Variants in GRSF1 observed in about 807,000 individuals in gnomAD.
The protein encoded by GRSF1 is G-rich sequence factor 1.
In GRSF1, 50 loss-of-function variants were observed where a neutral mutation model predicts 51.1. That is an observed-to-expected ratio of 0.98 (90% confidence interval 0.78 to 1.24). The LOEUF is 1.24. Ranked by LOEUF, GRSF1 falls within the 50% of genes most tolerant of loss-of-function variation. GRSF1 has a pLI of 0.00. For synonymous variants in GRSF1, 293 were observed against 253.3 expected, an observed-to-expected ratio of 1.16 and a Z score of -1.49; for missense variants, 700 against 639.7, an observed-to-expected ratio of 1.09 and a Z score of -1.02.
intron 6 of GRSF1, among the ~76,000 whole-genome samples, chr4:70,826,878 T>C (rs1000225733): frequency 5.3e-5 from 8 of 152,042 alleles, no homozygotes; most frequent in Admixed American, 1.3e-4. Flanking sequence ...CACATATATA[T>C]AGTGACAAGA....
In GRSF1 at chr4:70,817,704, AG is replaced by A. The variant is rs1733364629; in HGVS notation, c.*3182del. The A allele has an allele frequency of 6.6e-6, 1 of 152,226 alleles. No individual in the cohort carries two copies. Among genetic ancestry groups the A allele is most frequent in the Admixed American group, 6.5e-5 (1 of 15,284 alleles). The allele number at this position is 152,226 out of a possible 1,614,324, so 9.4% of individuals were successfully genotyped here. Reference sequence around the variant, plus strand: ...AATAGTCATGTTGGAACAGTTTGGCAGTTTCTTCCAAAACTAAACATACTCT... The same window carrying A: ...AATAGTCATGTTGGAACAGTTTGGCATTTCTTCCAAAACTAAACATACTCT... On this transcript the variant is annotated 3_prime_UTR_variant, in exon 10 of 10. Coordinates refer to ENST00000254799, the MANE Select transcript of GRSF1 (RefSeq NM_002092.4).
intron 8 of GRSF1, 87 bp from the exon 9 acceptor site, chr4:70,824,455 T>A: frequency 1.4e-6 from 1 of 718,780 alleles, no homozygotes; most frequent in Non-Finnish European, 2.5e-6. Context: ...AGACAGCAAC[T>A]CAAACCCTTT....
intron 9 of GRSF1, among the ~76,000 whole-genome samples, chr4:70,821,635 G>C (rs1290966056): frequency 6.1e-5 from 9 of 147,380 alleles, no homozygotes; most frequent in Non-Finnish European, 1.2e-4. Flanking sequence ...AATAGAATAG[G>C]ATATAGTAAT....
chr4:70,817,721 AAC>A lies in GRSF1; in HGVS notation c.*3164_*3165del, dbSNP rs367789706. 3.7e-4 allele frequency: 56 copies of A among 152,230 alleles called. No individual in the cohort carries two copies. Among genetic ancestry groups the A allele is most frequent in the African/African-American group, 1.3e-3 (54 of 41,462 alleles). 9.4% of individuals were successfully genotyped at this position (152,230 alleles called of 1,614,324 possible). A position where few individuals can be genotyped will look rare whatever the true frequency, so the allele number is the denominator to read the frequency against. On this transcript the variant is annotated 3_prime_UTR_variant, in exon 10 of 10. Coordinates refer to ENST00000254799, the MANE Select transcript of GRSF1 (RefSeq NM_002092.4). The stretch of plus-strand genomic sequence containing the variant: ...AGTTTGGCAGTTTCTTCCAAAACTA[AAC>A]ATACTCTTAACTTACAATCCAGCAA...
At chr4:70,821,939 G>A (rs984359234) in intron 9 of GRSF1, among the ~76,000 whole-genome samples, 1 of 152,122 alleles carries the variant, frequency 6.6e-6, no homozygotes, top group African/African-American at 2.4e-5. Flanking sequence ...GCCTCCTGAA[G>A]TAATGGGATT....
At chr4:70,825,214 C>A in intron 8 of GRSF1, 82 bp downstream of exon 8, 1 of 1,159,060 alleles carries the variant, frequency 8.6e-7, no homozygotes, top group Non-Finnish European at 1.2e-6. Flanking sequence ...AGGAAAAATT[C>A]TACAATCCCA....
chr4:70,823,974 CTCTTTTTTTTT>C (rs1353246647), intron 9 of GRSF1, among the ~76,000 whole-genome samples: 5 of 100,932 alleles, frequency 5.0e-5, no homozygotes, highest in Non-Finnish European at 7.5e-5. Flanking sequence ...TTGTATCTCT[CTCTTTTTTTTT>C]TTTTTTTTTG....
intron 6 of GRSF1, among the ~76,000 whole-genome samples, chr4:70,827,117 G>A (rs924882216): frequency 7.6e-4 from 116 of 151,860 alleles, no homozygotes; most frequent in African/African-American, 2.7e-3. Flanking sequence ...GGGAAACCCC[G>A]TCTCTACTAA....
chr4:70,836,530 AT>A (rs1015499871), intron 1 of GRSF1, among the ~76,000 whole-genome samples: 36 of 151,912 alleles, frequency 2.4e-4, no homozygotes, highest in African/African-American at 7.5e-4. Flanking sequence ...CAGGACACAA[AT>A]TTCATTCAGG....
Position 70,833,142 on chromosome 4 carries a change from A to G in GRSF1, c.646T>C (p.Tyr216His). The change falls in exon 3 of 10, where the codon TAC becomes CAC. Residue 216 changes from tyrosine to histidine, a missense_variant. By Grantham distance (83) the Tyr-to-His change is moderately conservative. Coordinates refer to ENST00000254799, the MANE Select transcript of GRSF1 (RefSeq NM_002092.4). Reference sequence around the variant, plus strand: ...CCTTCCACATACCGCTGGCCCATGTACATGCGGTGCTTCTCTAAGGCTTTC... The same window carrying G: ...CCTTCCACATACCGCTGGCCCATGTGCATGCGGTGCTTCTCTAAGGCTTTC... ...VQKALEKHRMYMGQRYVEVYE... is the reference protein window; with the variant it reads ...VQKALEKHRMHMGQRYVEVYE... The G allele has an allele frequency of 6.2e-7, 1 of 1,613,970 alleles. No homozygotes were observed. The highest frequency in any genetic ancestry group is 1.1e-5 in the South Asian group (1 of 91,084).
chr4:70,832,234 C>G, intron 4 of GRSF1, 73 bp downstream of exon 4: 1 of 1,281,650 alleles, frequency 7.8e-7, no homozygotes, highest in Non-Finnish European at 1.1e-6. Flanking sequence ...GAAACAGGCT[C>G]ATCTAAGATA....
chr4:70,833,779 A>G (rs1734081098), intron 2 of GRSF1, among the ~76,000 whole-genome samples: 1 of 152,082 alleles, frequency 6.6e-6, no homozygotes, highest in Admixed American at 6.6e-5. Context: ...TTAGTCTCCC[A>G]AAGTGCTGGG....
At position 70,819,924 on chromosome 4, in the gene GRSF1, A is replaced by C. The variant is rs193268575; in HGVS notation, c.*963T>G. The C allele has an allele frequency of 3.2e-3, 492 of 152,788 alleles. 1 individual carries two copies. The highest frequency in any genetic ancestry group is 5.6e-3 in the Non-Finnish European group (380 of 68,036). 9.5% of individuals were successfully genotyped at this position (152,788 alleles called of 1,614,324 possible). ...ATCCATAAACCCTTCACACAATTATACATTAAATGCTATTTTTATTTAAGC... is the reference window on the plus strand; with the variant it reads ...ATCCATAAACCCTTCACACAATTATCCATTAAATGCTATTTTTATTTAAGC... On this transcript the variant is annotated 3_prime_UTR_variant, in exon 10 of 10. Coordinates refer to ENST00000254799, the MANE Select transcript of GRSF1 (RefSeq NM_002092.4).
intron 2 of GRSF1, among the ~76,000 whole-genome samples, chr4:70,835,945 G>A (rs1447635993): frequency 6.6e-6 from 1 of 152,044 alleles, no homozygotes; most frequent in Non-Finnish European, 1.5e-5. Context: ...GTTACATACC[G>A]CAAACAGCAC....
intron 2 of GRSF1, among the ~76,000 whole-genome samples, chr4:70,835,459 ATT>A (rs1182553045): frequency 7.6e-5 from 10 of 131,162 alleles, no homozygotes; most frequent in African/African-American, 2.5e-4. Flanking sequence ...AGTATGATGG[ATT>A]TTTTTTTTTT....
At chr4:70,823,524 A>C (rs1340704506) in intron 9 of GRSF1, among the ~76,000 whole-genome samples, 1 of 151,358 alleles carries the variant, frequency 6.6e-6, no homozygotes, top group African/African-American at 2.4e-5. Context: ...CCAGAGCGAG[A>C]ATTTTCATTC....
At position 70,836,214 on chromosome 4, in the gene GRSF1, C is replaced by G. The variant is rs1241894728; in HGVS notation, c.458G>C (p.Arg153Pro). Residue 153 changes from arginine to proline, a missense_variant, in exon 2 of 10, where the codon CGA becomes CCA. Coordinates refer to ENST00000254799, the MANE Select transcript of GRSF1 (RefSeq NM_002092.4). ...EEEVDDVFLI[R>P]AQGLPWSCTM... is the part of the protein sequence containing the mutation. ...GCATGACCAGGGCAGTCCTTGAGCTCGAATGAGAAAGACATCATCCACTTC... is the reference window on the plus strand; with the variant it reads ...GCATGACCAGGGCAGTCCTTGAGCTGGAATGAGAAAGACATCATCCACTTC... 1.9e-6 allele frequency: 3 copies of G among 1,609,402 alleles called. No individual in the cohort carries two copies. The highest frequency in any genetic ancestry group is 2.5e-6 in the Non-Finnish European group (3 of 1,178,048).
At chr4:70,831,793 T>G in intron 4 of GRSF1, 119 bp from the exon 5 acceptor site, 1 of 752,092 alleles carries the variant, frequency 1.3e-6, no homozygotes, top group African/African-American at 1.8e-5. Flanking sequence ...ACTGAATACA[T>G]GCTTGACAGG....
Position 70,819,382 on chromosome 4 carries a change from T to C in GRSF1, c.*1505A>G, listed in dbSNP as rs898519112. On this transcript the variant is annotated 3_prime_UTR_variant, in exon 10 of 10. Transcript: ENST00000254799. ...TCCATCTAGGCAGTACTACTGATGA[T>C]GTTAAGCTGGTTAAGTCATGTTCAC... 1.3e-5 allele frequency: 2 copies of C among 152,200 alleles called. No homozygotes were observed. The highest frequency in any genetic ancestry group is 4.8e-5 in the African/African-American group (2 of 41,450). 9.4% of individuals were successfully genotyped at this position (152,200 alleles called of 1,614,324 possible).
Sources: allele counts gnomAD v4.1 joint callset (sites outside exome capture counted in the v4.1 genomes callset), GRCh38; gene constraint gnomAD v4.1.1; transcripts MANE v1.5; gene names NCBI Gene and HGNC (gene_info 2026-07-23, HGNC 2026-07-21).